PBX1: variants seen among roughly 807,000 people sequenced by gnomAD.
PBX1 encodes PBX homeobox 1.
A neutral mutation model predicts 53.4 loss-of-function variants in PBX1; 6 were observed. The ratio of observed to expected loss-of-function variants is 0.11; its 90% CI spans 0.06 to 0.22. The LOEUF is 0.22. Ranked by LOEUF, PBX1 falls within the 10% of genes least tolerant of loss-of-function variation. PBX1 has a pLI of 1.00. For synonymous variants in PBX1, 204 were observed against 212.3 expected (o/e 0.96, Z 0.34); for missense variants, 251 against 551.4 (o/e 0.46, Z 5.46).
intron 2 of PBX1, among the ~76,000 whole-genome samples, chr1:164,662,221 G>T (rs1403568179): frequency 6.6e-6 from 1 of 152,164 alleles, no homozygotes; most frequent in African/African-American, 2.4e-5. Context: ...AGTTACTCGG[G>T]AGGCTGAGGC....
intron 2 of PBX1, among the ~76,000 whole-genome samples, chr1:164,698,125 T>C (rs1205936104): frequency 2.0e-5 from 3 of 152,014 alleles, no homozygotes; most frequent in South Asian, 2.1e-4. Context: ...AGGGCACCGA[T>C]TGTTAAGAGG....
At chr1:164,566,217 TG>T (rs1267349009) in intron 2 of PBX1, among the ~76,000 whole-genome samples, 1 of 152,132 alleles carries the variant, frequency 6.6e-6, no homozygotes, top group African/African-American at 2.4e-5. Context: ...AATTGATTGA[TG>T]GGTGTTTAAG....
At chr1:164,802,800 T>C (rs767539253) in intron 4 of PBX1, among the ~76,000 whole-genome samples, 2 of 152,136 alleles carry the variant, frequency 1.3e-5, no homozygotes, top group African/African-American at 4.8e-5. Context: ...TCAACATTTA[T>C]CATATCATGC....
At chr1:164,631,981 C>T (rs1276632015) in intron 2 of PBX1, among the ~76,000 whole-genome samples, 2 of 152,206 alleles carry the variant, frequency 1.3e-5, no homozygotes, top group South Asian at 4.1e-4. Context: ...AGGCCATCAG[C>T]CGTAGAGAGG....
rs529056261 is a variant in PBX1, at chr1:164,765,965, C to T, written c.266-26529C>T. 1.2e-3 allele frequency among the ~76,000 whole-genome samples: 184 copies of T among 152,238 alleles called. 1 individual carries two copies. Among genetic ancestry groups the T allele is most frequent in the African/African-American group, 4.4e-3 (182 of 41,520 alleles). Reference sequence around the variant, plus strand: ...AATATTTATGAACATGTACCATGCCCCTAGCAAAGTTCTAAATGCCGTTGG... The same window carrying T: ...AATATTTATGAACATGTACCATGCCTCTAGCAAAGTTCTAAATGCCGTTGG... On this transcript the variant is annotated intron_variant, in intron 2 of 8. Transcript: ENST00000420696.
chr1:164,619,025 C>A (rs1020719746), intron 2 of PBX1, among the ~76,000 whole-genome samples: 13 of 152,122 alleles, frequency 8.5e-5, no homozygotes, highest in African/African-American at 2.7e-4. Flanking sequence ...GGGAGATAAT[C>A]AACCAGTAAG....
intron 2 of PBX1, chr1:164,683,193 A>T (rs1266515506): frequency 2.0e-5 from 3 of 152,178 alleles, no homozygotes; most frequent in African/African-American, 7.2e-5. Context: ...GGTGGTGTAT[A>T]GCTTTCCTTA....
At chr1:164,691,494 C>G (rs1178377485) in intron 2 of PBX1, among the ~76,000 whole-genome samples, 1 of 152,060 alleles carries the variant, frequency 6.6e-6, no homozygotes, top group African/African-American at 2.4e-5. Flanking sequence ...AGCTTCCTTC[C>G]TCCAGCTCTA....
intron 5 of PBX1, among the ~76,000 whole-genome samples, chr1:164,810,740 A>G (rs1669567348): frequency 6.6e-6 from 1 of 152,188 alleles, no homozygotes; most frequent in Non-Finnish European, 1.5e-5. Flanking sequence ...TACACCCAAA[A>G]GTGTCCTTCC....
intron 2 of PBX1, among the ~76,000 whole-genome samples, chr1:164,629,963 A>AGACAATGCCAAT (rs1359042235): frequency 6.6e-6 from 1 of 152,226 alleles, no homozygotes; most frequent in Non-Finnish European, 1.5e-5. Context: ...CTCTTTTGAA[A>AGACAATGCCAAT]GACAGTGCGA....
intron 1 of PBX1, 45 bp downstream of exon 1, chr1:164,560,058 T>G: frequency 1.6e-6 from 2 of 1,284,002 alleles, no homozygotes; most frequent in Non-Finnish European, 2.0e-6. Context: ...TTTTTTGTTT[T>G]TCTTCCTCTT....
intron 2 of PBX1, among the ~76,000 whole-genome samples, chr1:164,707,394 GGTGT>G (rs3830328): frequency 2.9e-5 from 3 of 103,418 alleles, no homozygotes; most frequent in African/African-American, 1.3e-4. Context: ...ACACCACTGA[GGTGT>G]GTGTGTGTGT....
intron 2 of PBX1, among the ~76,000 whole-genome samples, chr1:164,603,929 ATTTTTTTTTTTTT>A (rs71583414): frequency 0.3 from 22,730 of 76,188 alleles, 2,700 homozygotes; most frequent in Middle Eastern, 0.39. Context: ...ATGTCATTTC[ATTTTTTTTTTTTT>A]TTTTTTTTTT....
At chr1:164,712,342 T>C (rs867125360) in intron 2 of PBX1, among the ~76,000 whole-genome samples, 12 of 152,236 alleles carry the variant, frequency 7.9e-5, no homozygotes, top group South Asian at 2.1e-4. Context: ...ATTATTCTGT[T>C]CGGGAAAACG....
chr1:164,651,930 G>GGTGGGT (rs1553224439), intron 2 of PBX1: 3 of 144,080 alleles, frequency 2.1e-5, no homozygotes, highest in African/African-American at 7.9e-5. Context: ...ATGGAGGGAG[G>GGTGGGT]GTGTGTGTGT....
chr1:164,811,025 A>G (rs1392234496), intron 5 of PBX1, among the ~76,000 whole-genome samples: 1 of 152,204 alleles, frequency 6.6e-6, no homozygotes, highest in Non-Finnish European at 1.5e-5. Flanking sequence ...TTAAATATCA[A>G]TGATATGTAA....
chr1:164,831,719 T>C (rs1474553122), intron 8 of PBX1, among the ~76,000 whole-genome samples: 4 of 152,176 alleles, frequency 2.6e-5, no homozygotes, highest in African/African-American at 9.7e-5. Context: ...CTTTGTTTTC[T>C]TGTGTCTACC....
chr1:164,885,549 C>T (rs535026330), intron 2 of PBX1, among the ~76,000 whole-genome samples: 27 of 152,282 alleles, frequency 1.8e-4, no homozygotes, highest in Admixed American at 5.2e-4. Context: ...ACTCACACTA[C>T]GTCGCTGGGC....
At chr1:164,655,100 G>GTTTTTTTTTTTTT (rs35954587) in intron 2 of PBX1, among the ~76,000 whole-genome samples, 2 of 138,836 alleles carry the variant, frequency 1.4e-5, no homozygotes, top group Non-Finnish European at 1.5e-5. Context: ...TCTGATGTGT[G>GTTTTTTTTTTTTT]TTTTTTTTTT....
Sources: allele counts gnomAD v4.1 joint callset (sites outside exome capture counted in the v4.1 genomes callset), GRCh38; gene constraint gnomAD v4.1.1; transcripts MANE v1.5; gene names NCBI Gene and HGNC (gene_info 2026-07-23, HGNC 2026-07-21).